Variants in PPP2R3A observed in about 807,000 individuals in gnomAD.
PPP2R3A encodes the protein protein phosphatase 2 regulatory subunit B''alpha.
In PPP2R3A, 80 loss-of-function variants were observed where a neutral mutation model predicts 106.9. The ratio of observed to expected loss-of-function variants is 0.75; its 90% CI spans 0.62 to 0.90. The LOEUF is 0.90. PPP2R3A is among the 40% of genes least tolerant of loss of function. PPP2R3A has a pLI of 0.00. For missense variants in PPP2R3A, 1,386 were observed against 1,350.4 expected (o/e 1.03, Z -0.41); for synonymous variants, 483 against 468.3 (o/e 1.03, Z -0.41).
Position 136,044,796 on chromosome 3 carries a change from C to G in PPP2R3A, c.2366+3834C>G, listed in dbSNP as rs566356992. ...AACCCTGCATGGGCTCTGAATGGCT[C>G]CTAAGGAAGGGGTGAAAGAAGTAAC... is the stretch of plus-strand genomic sequence containing the variant. On this transcript the variant is annotated intron_variant, in intron 4 of 13. Transcript: ENST00000264977. 5.3e-4 allele frequency among the ~76,000 whole-genome samples: 81 copies of G among 152,094 alleles called. 1 individual carries two copies. Among genetic ancestry groups the G allele is most frequent in the Admixed American group, 1.4e-3 (21 of 15,264 alleles).
intron 1 of PPP2R3A, among the ~76,000 whole-genome samples, chr3:135,991,558 A>G (rs1933163022): frequency 6.8e-6 from 1 of 147,878 alleles, no homozygotes; most frequent in Non-Finnish European, 1.5e-5. Flanking sequence ...ATTAAATATT[A>G]ATAGCCTATT....
intron 10 of PPP2R3A, 31 bp from the exon 11 acceptor site, chr3:136,101,976 G>A: frequency 6.3e-7 from 1 of 1,591,520 alleles, no homozygotes; most frequent in Non-Finnish European, 8.6e-7. Flanking sequence ...TCTTTACCAG[G>A]CCCATGATAA....
intron 7 of PPP2R3A, among the ~76,000 whole-genome samples, chr3:136,081,972 C>T (rs542977811): frequency 4.1e-4 from 63 of 152,220 alleles, no homozygotes; most frequent in African/African-American, 1.4e-3. Context: ...CTTTTCATGC[C>T]AGTCTCTGAC....
intron 1 of PPP2R3A, among the ~76,000 whole-genome samples, chr3:135,979,372 C>CAAA (rs58845726): frequency 1.0e-3 from 132 of 129,474 alleles, no homozygotes; most frequent in African/African-American, 3.6e-3. Context: ...GACTCCATCT[C>CAAA]AAAAAAAAAA....
intron 3 of PPP2R3A, among the ~76,000 whole-genome samples, chr3:136,035,910 T>G (rs1935069480): frequency 6.6e-6 from 1 of 152,090 alleles, no homozygotes; most frequent in Non-Finnish European, 1.5e-5. Context: ...TTAGAGGCTT[T>G]GTTCATATTT....
Position 136,145,277 on chromosome 3 carries a change from G to A in PPP2R3A, c.*111G>A. The A allele has an allele frequency of 1.5e-6, 2 of 1,326,352 alleles. No homozygotes were observed. The highest frequency in any genetic ancestry group is 2.0e-6 in the Non-Finnish European group (2 of 992,740). 82.2% of individuals were successfully genotyped at this position (1,326,352 alleles called of 1,614,324 possible). On this transcript the variant is annotated 3_prime_UTR_variant, in exon 14 of 14. Transcript: ENST00000264977. ...TAAAGACTTTGATTTCTCCAAGTGT[G>A]TATCATCTGCACTAGGAACTTTGTT...
At chr3:136,085,962 A>G (rs1292512324) in intron 8 of PPP2R3A, among the ~76,000 whole-genome samples, 3 of 151,808 alleles carry the variant, frequency 2.0e-5, no homozygotes, top group Middle Eastern at 3.2e-3. Flanking sequence ...ATGTCTTTCA[A>G]ATGACAAAAA....
intron 3 of PPP2R3A, among the ~76,000 whole-genome samples, chr3:136,030,909 C>G (rs755545038): frequency 6.6e-6 from 1 of 151,596 alleles, no homozygotes; most frequent in African/African-American, 2.4e-5. Context: ...TTTGCAATTG[C>G]GAATTGTGCT....
intron 10 of PPP2R3A, among the ~76,000 whole-genome samples, chr3:136,097,564 G>A (rs1937245752): frequency 6.6e-6 from 1 of 152,148 alleles, no homozygotes; most frequent in African/African-American, 2.4e-5. Flanking sequence ...TTTATTTATT[G>A]TAAAGAGAAG....
intron 13 of PPP2R3A, among the ~76,000 whole-genome samples, chr3:136,114,118 A>AC (rs895971519): frequency 1.8e-4 from 27 of 152,192 alleles, no homozygotes; most frequent in African/African-American, 6.5e-4. Context: ...ATGGAGGGTG[A>AC]CCCGAAGCAG....
At chr3:136,105,256 A>G (rs999459666) in intron 12 of PPP2R3A, among the ~76,000 whole-genome samples, 3 of 152,226 alleles carry the variant, frequency 2.0e-5, no homozygotes, top group Non-Finnish European at 2.9e-5. Flanking sequence ...GTGGCAAACC[A>G]CAAGTCACTC....
intron 3 of PPP2R3A, among the ~76,000 whole-genome samples, chr3:136,034,626 T>G (rs1935023295): frequency 6.6e-6 from 1 of 152,208 alleles, no homozygotes; most frequent in African/African-American, 2.4e-5. Flanking sequence ...GTATTGAGGC[T>G]CGTTTTGTGG....
intron 13 of PPP2R3A, among the ~76,000 whole-genome samples, chr3:136,121,045 T>C (rs1937977158): frequency 6.6e-6 from 1 of 152,260 alleles, no homozygotes; most frequent in Non-Finnish European, 1.5e-5. Flanking sequence ...TTCAAGGAAC[T>C]TAGAACTACA....
At chr3:136,100,093 G>A (rs1937321214) in intron 10 of PPP2R3A, among the ~76,000 whole-genome samples, 1 of 152,082 alleles carries the variant, frequency 6.6e-6, no homozygotes, top group South Asian at 2.1e-4. Context: ...AGGACTCAGA[G>A]AAACCTCTGC....
In PPP2R3A at chr3:135,986,614, A is replaced by G. The variant is rs1932930160; in HGVS notation, c.-440-14445A>G. 3.3e-5 allele frequency among the ~76,000 whole-genome samples: 5 copies of G among 151,950 alleles called. No homozygotes were observed. The South Asian group carries it at 1.0e-3, about 32-fold the overall frequency. On this transcript the variant is annotated intron_variant, in intron 1 of 13. Coordinates refer to ENST00000264977, the MANE Select transcript of PPP2R3A (RefSeq NM_002718.5). ...ACCTCCTCCCCACTCTTCGCTCTCA[A>G]CTGATGGCTTGCTTCCTATTTCACC...
intron 3 of PPP2R3A, among the ~76,000 whole-genome samples, chr3:136,033,921 T>C (rs1201356961): frequency 6.6e-6 from 1 of 152,070 alleles, no homozygotes. Flanking sequence ...TCCTGGTCAT[T>C]TCCTTTCTCC....
At chr3:136,131,595 G>A (rs112678757) in intron 13 of PPP2R3A, among the ~76,000 whole-genome samples, 5,031 of 152,316 alleles carry the variant, frequency 0.033, 300 homozygotes, top group African/African-American at 0.11. Context: ...CATTGTGGAA[G>A]ACGGTGTGGC....
At chr3:136,129,002 G>C (rs1204531308) in intron 13 of PPP2R3A, among the ~76,000 whole-genome samples, 1 of 152,142 alleles carries the variant, frequency 6.6e-6, no homozygotes, top group Non-Finnish European at 1.5e-5. Context: ...CAGAATCTCT[G>C]GGACACATTT....
chr3:136,023,084 A>G (rs1413890220), intron 2 of PPP2R3A: 10 of 1,613,138 alleles, frequency 6.2e-6, no homozygotes, highest in Non-Finnish European at 8.5e-6. Flanking sequence ...TGATCAAGGA[A>G]ACATCTCTAC....
Sources: allele counts gnomAD v4.1 joint callset (sites outside exome capture counted in the v4.1 genomes callset), GRCh38; gene constraint gnomAD v4.1.1; transcripts MANE v1.5; gene names NCBI Gene and HGNC (gene_info 2026-07-23, HGNC 2026-07-21).